Variants in GNB4 observed in about 807,000 individuals in gnomAD.
GNB4 encodes G protein subunit beta 4.
Under a neutral mutation model 45.2 loss-of-function variants are expected in GNB4, and 28 were observed. The ratio of observed to expected loss-of-function variants is 0.62; its 90% CI spans 0.46 to 0.85. GNB4 has a LOEUF of 0.85. Ranked by LOEUF, GNB4 falls within the 40% of genes least tolerant of loss-of-function variation. GNB4 has a pLI of 0.00. For missense variants in GNB4, 321 were observed against 425.4 expected, an observed-to-expected ratio of 0.75 and a Z score of 2.16; for synonymous variants, 132 against 143.7, an observed-to-expected ratio of 0.92 and a Z score of 0.58.
rs1364312724 is a variant in GNB4 at position 179,398,268 on chromosome 3, A to T, written c.*2945T>A. ...GGTGGCTCACGTCTGTAATCCCAGC[A>T]CTTTGGGAGGCTGAGGCTGGTGGAT... On this transcript the variant is annotated 3_prime_UTR_variant, in exon 10 of 10. Coordinates refer to ENST00000232564, the MANE Select transcript of GNB4 (RefSeq NM_021629.4). 1.3e-5 allele frequency: 2 copies of T among 151,912 alleles called. No individual in the cohort carries two copies. Among genetic ancestry groups the T allele is most frequent in the Admixed American group, 1.3e-4 (2 of 15,234 alleles). 9.4% of individuals were successfully genotyped at this position (151,912 alleles called of 1,614,324 possible).
the GNB4 span, among the ~76,000 whole-genome samples, chr3:179,493,667 C>T: frequency 3.3e-5 from 5 of 152,080 alleles, no homozygotes; most frequent in African/African-American, 1.2e-4. Flanking sequence ...AAGAAATAAT[C>T]GGCAGCTCCC....
At chr3:179,525,778 G>A in the GNB4 span, among the ~76,000 whole-genome samples, 1 of 152,224 alleles carries the variant, frequency 6.6e-6, no homozygotes, top group East Asian at 1.9e-4. Context: ...TTGAAGGGTA[G>A]CGAGAGAGGC....
chr3:179,508,299 T>C, the GNB4 span, among the ~76,000 whole-genome samples: 1 of 152,154 alleles, frequency 6.6e-6, no homozygotes, highest in Admixed American at 6.6e-5. Flanking sequence ...CATTTTCTTG[T>C]AGATCCACAG....
intron 1 of GNB4, among the ~76,000 whole-genome samples, chr3:179,449,830 A>G (rs1372607509): frequency 6.6e-6 from 1 of 152,246 alleles, no homozygotes; most frequent in African/African-American, 2.4e-5. Context: ...GTATTTGGTA[A>G]GGCCAGAAGA....
At chr3:179,437,330 C>T (rs1349421001) in intron 1 of GNB4, among the ~76,000 whole-genome samples, 6 of 151,746 alleles carry the variant, frequency 4.0e-5, no homozygotes, top group East Asian at 1.9e-4. Flanking sequence ...TTTGGGAGGC[C>T]GAGGCAGGCG....
intron 2 of GNB4, among the ~76,000 whole-genome samples, chr3:179,423,234 T>C (rs1463989260): frequency 6.6e-6 from 1 of 152,166 alleles, no homozygotes; most frequent in Admixed American, 6.6e-5. Flanking sequence ...GCTAGTGAGA[T>C]ACGGAGATGA....
intron 1 of GNB4, among the ~76,000 whole-genome samples, chr3:179,444,615 G>C (rs1577041004): frequency 6.6e-6 from 1 of 152,236 alleles, no homozygotes; most frequent in South Asian, 2.1e-4. Flanking sequence ...AAGAGGCTGA[G>C]ATGTGAGGAT....
At chr3:179,470,607 C>T in the GNB4 span, among the ~76,000 whole-genome samples, 19 of 151,514 alleles carry the variant, frequency 1.3e-4, no homozygotes, top group Admixed American at 7.2e-4. Context: ...TGCAATGGCG[C>T]GATCTCTGCT....
At position 179,396,878 on chromosome 3, in the gene GNB4, A is replaced by G. The variant is rs928729032; in HGVS notation, c.*4335T>C. ...TGAGGCAACCCAAAATGAACAATGG[A>G]AAGAAAACTAGTAAATCTGAAATGT... On this transcript the variant is annotated 3_prime_UTR_variant, in exon 10 of 10. Transcript: ENST00000232564. 1 of 152,222 alleles carries G rather than the reference A, an allele frequency of 6.6e-6. No individual in the cohort carries two copies. Among genetic ancestry groups the G allele is most frequent in the Non-Finnish European group, 1.5e-5 (1 of 68,040 alleles). The allele number at this position is 152,222 out of a possible 1,614,324, so 9.4% of individuals were successfully genotyped here. A position where few individuals can be genotyped will look rare whatever the true frequency, so the allele number is the denominator to read the frequency against.
At chr3:179,514,066 T>C in the GNB4 span, among the ~76,000 whole-genome samples, 3 of 152,220 alleles carry the variant, frequency 2.0e-5, no homozygotes, top group South Asian at 4.1e-4. Flanking sequence ...TCAGAACTAG[T>C]TGATACCTCA....
chr3:179,525,775 G>C, the GNB4 span, among the ~76,000 whole-genome samples: 1 of 151,934 alleles, frequency 6.6e-6, no homozygotes, highest in African/African-American at 2.4e-5. Flanking sequence ...AGATTGAAGG[G>C]TAGCGAGAGA....
Position 179,413,720 on chromosome 3 carries a change from T to G in GNB4, c.492A>C (p.Thr164=). 6.2e-7 allele frequency: 1 copy of G among 1,614,158 alleles called. No individual in the cohort carries two copies. Among genetic ancestry groups the G allele is most frequent in the East Asian group, 2.2e-5 (1 of 44,888 alleles). ...DSQIVTSSGD[T]TCALWDIETA... ...TGCTTCTGGAATAAACTTACCAAGT[T>G]GTATCTCCTGAACTTGTAACAATTT... Residue 164 remains threonine (T), a synonymous_variant, in exon 7 of 10, where the codon ACA becomes ACC. Transcript: ENST00000232564.
At chr3:179,519,911 T>C in the GNB4 span, among the ~76,000 whole-genome samples, 2 of 152,288 alleles carry the variant, frequency 1.3e-5, no homozygotes, top group African/African-American at 2.4e-5. Context: ...TACAGCATGG[T>C]CTTTTAAAGC....
At chr3:179,477,931 CAAT>C in the GNB4 span, among the ~76,000 whole-genome samples, 1 of 152,110 alleles carries the variant, frequency 6.6e-6, no homozygotes, top group Non-Finnish European at 1.5e-5. Flanking sequence ...CTCTCAGTAC[CAAT>C]TTTCCTTCTT....
At chr3:179,426,743 T>C (rs942278804) in intron 1 of GNB4, among the ~76,000 whole-genome samples, 2 of 152,154 alleles carry the variant, frequency 1.3e-5, no homozygotes, top group African/African-American at 4.8e-5. Flanking sequence ...GCAAATCATG[T>C]CAGTTATTCC....
chr3:179,426,309 T>C, intron 1 of GNB4, 67 bp from the exon 2 acceptor site: 2 of 744,902 alleles, frequency 2.7e-6, no homozygotes, highest in Non-Finnish European at 4.3e-6. Flanking sequence ...GGTTTTACAA[T>C]ACTGACATAT....
Position 179,413,774 on chromosome 3 carries a change from C to A in GNB4, c.438G>T (p.Leu146Phe). 6.2e-7 allele frequency: 1 copy of A among 1,613,830 alleles called. No homozygotes were observed. The highest frequency in any genetic ancestry group is 8.5e-7 in the Non-Finnish European group (1 of 1,179,862). The change falls in exon 7 of 10, where the codon TTG becomes TTT. Residue 146 changes from leucine (L) to phenylalanine (F), a missense_variant. Coordinates refer to ENST00000232564, the MANE Select transcript of GNB4 (RefSeq NM_021629.4). ...SRELPGHTGY[L>F]SCCRFLDDSQ... ...TGTCATCTAAAAAACGACAGCAGGACAAGTACCCTACAGCATAAAGAGTAG... is the reference window on the plus strand; with the variant it reads ...TGTCATCTAAAAAACGACAGCAGGAAAAGTACCCTACAGCATAAAGAGTAG...
the GNB4 span, among the ~76,000 whole-genome samples, chr3:179,457,160 A>G: frequency 6.6e-6 from 1 of 152,244 alleles, no homozygotes; most frequent in Non-Finnish European, 1.5e-5. Flanking sequence ...CAAGAGAATA[A>G]TTTTGAATGC....
At chr3:179,522,474 C>T in the GNB4 span, among the ~76,000 whole-genome samples, 4 of 142,824 alleles carry the variant, frequency 2.8e-5, no homozygotes, top group African/African-American at 3.1e-5. Context: ...TTCGCACGGA[C>T]GCGAGTGAAA....
Sources: gnomAD v4.1 joint callset for allele counts (sites outside exome capture counted in the v4.1 genomes callset) on GRCh38, gnomAD v4.1.1 for gene constraint, MANE v1.5 for transcripts, NCBI Gene and HGNC (gene_info 2026-07-23, HGNC 2026-07-21) for gene names.